The following CHN2 variants were observed in gnomAD, a reference collection of about 807,000 sequenced individuals.
CHN2 encodes beta-chimaerin.
In CHN2, 35 loss-of-function variants were observed where a neutral mutation model predicts 56.3. The observed-to-expected ratio is 0.62, with a 90% CI of 0.47 to 0.82. The LOEUF (loss-of-function observed/expected upper bound fraction) is 0.82, where lower values mean the gene tolerates loss of function less well. Ranked by LOEUF, CHN2 falls within the 40% of genes least tolerant of loss-of-function variation. The probability of loss-of-function intolerance (pLI) is 0.00; values close to 1 mark genes in which losing one functional copy is unlikely to be tolerated. For synonymous variants in CHN2, 210 were observed against 212.8 expected (o/e 0.99, Z 0.12); for missense variants, 491 against 580.5 (o/e 0.85, Z 1.58).
intron 1 of CHN2, among the ~76,000 whole-genome samples, chr7:29,321,086 C>T (rs1004078139): frequency 6.6e-6 from 1 of 152,196 alleles, no homozygotes; most frequent in Non-Finnish European, 1.5e-5. Flanking sequence ...AAGATGCTTA[C>T]AGATTGTTAG....
In CHN2 at chr7:29,465,827, T is replaced by G. The variant is rs374511657; in HGVS notation, c.577-14452T>G. On this transcript the variant is annotated intron_variant, in intron 6 of 12. Transcript: ENST00000222792. ...AAAAATTTTAAATGGAGCCATGTTA[T>G]TATAAGACTGAAGTAAACAAAAATT... Among the ~76,000 whole-genome samples, 221 of 152,324 alleles carry G rather than the reference T, an allele frequency of 1.5e-3. 2 individuals are homozygous for G. The highest frequency in any genetic ancestry group is 4.7e-3 in the African/African-American group (196 of 41,560).
At chr7:29,302,899 T>C (rs1286759134) in intron 1 of CHN2, among the ~76,000 whole-genome samples, 1 of 152,248 alleles carries the variant, frequency 6.6e-6, no homozygotes, top group Non-Finnish European at 1.5e-5. Context: ...CTTCAGAGTT[T>C]AGCATGTTGT....
intron 6 of CHN2, among the ~76,000 whole-genome samples, chr7:29,449,510 CAG>C (rs1446360510): frequency 5.3e-5 from 8 of 152,168 alleles, no homozygotes; most frequent in African/African-American, 1.9e-4. Context: ...ACTACAATGA[CAG>C]AGTTGAGTGG....
intron 1 of CHN2, among the ~76,000 whole-genome samples, chr7:29,335,120 C>G (rs1278999163): frequency 6.6e-6 from 1 of 152,186 alleles, no homozygotes; most frequent in Non-Finnish European, 1.5e-5. Context: ...TGGTCAAGAA[C>G]AGAGCATGCC....
At chr7:29,356,487 T>G (rs969792566) in intron 2 of CHN2, among the ~76,000 whole-genome samples, 5 of 152,206 alleles carry the variant, frequency 3.3e-5, no homozygotes, top group Admixed American at 6.5e-5. Context: ...TCCCAGTAGC[T>G]GAGCTCTGTG....
At chr7:29,179,955 G>T (rs1021218921) in intron 2 of CHN2, among the ~76,000 whole-genome samples, 2 of 152,084 alleles carry the variant, frequency 1.3e-5, no homozygotes, top group African/African-American at 4.8e-5. Context: ...GCATTCTATT[G>T]ATCTTTTGCT....
intron 4 of CHN2, among the ~76,000 whole-genome samples, chr7:29,394,493 C>T (rs373006526): frequency 1.4e-4 from 21 of 152,190 alleles, no homozygotes; most frequent in East Asian, 9.6e-4. Flanking sequence ...TTCCCTTACC[C>T]GTCAGAGCCT....
At chr7:29,349,853 C>T (rs544916283) in intron 1 of CHN2, among the ~76,000 whole-genome samples, 2 of 152,204 alleles carry the variant, frequency 1.3e-5, no homozygotes, top group Non-Finnish European at 2.9e-5. Context: ...CCTCCCCTTT[C>T]GTTATTTCTT....
chr7:29,169,756 A>G (rs529306935), intron 2 of CHN2, among the ~76,000 whole-genome samples: 1 of 152,050 alleles, frequency 6.6e-6, no homozygotes, highest in South Asian at 2.1e-4. Context: ...CTGTTTGCTC[A>G]GTCAGAGCTG....
chr7:29,197,992 A>G (rs1783880266), intron 1 of CHN2: 1 of 456,288 alleles, frequency 2.2e-6, no homozygotes, highest in South Asian at 1.5e-5. Flanking sequence ...GGGTAAGTTC[A>G]TGGCATTATT....
At chr7:29,250,162 C>T (rs569191849) in intron 1 of CHN2, among the ~76,000 whole-genome samples, 2 of 152,208 alleles carry the variant, frequency 1.3e-5, no homozygotes. Flanking sequence ...ATGGCACTCC[C>T]TGGGATGAAA....
chr7:29,442,867 T>C (rs892346071), intron 6 of CHN2, among the ~76,000 whole-genome samples: 2 of 151,824 alleles, frequency 1.3e-5, no homozygotes, highest in Non-Finnish European at 2.9e-5. Context: ...CCTAGGTTTT[T>C]CCTTATTTAT....
At chr7:29,504,931 TTCAA>T in intron 10 of CHN2, 110 bp downstream of exon 10, 2 of 712,488 alleles carry the variant, frequency 2.8e-6, no homozygotes, top group Non-Finnish European at 4.8e-6. Flanking sequence ...AGAGTTGTTC[TTCAA>T]GAAACGGAGG....
At chr7:29,146,594 C>A in exon 1 of CHN2, 6 of 1,550,206 alleles carry the variant, frequency 3.9e-6, no homozygotes, top group Non-Finnish European at 5.2e-6. Context: ...ATGACCCAGA[C>A]CCACAGGGCA....
intron 6 of CHN2, among the ~76,000 whole-genome samples, chr7:29,426,902 C>T (rs1481257573): frequency 1.3e-5 from 2 of 152,192 alleles, no homozygotes; most frequent in African/African-American, 4.8e-5. Flanking sequence ...TCCCATCTTC[C>T]TTCTCACATG....
At chr7:29,297,638 A>C (rs1793289407) in intron 1 of CHN2, among the ~76,000 whole-genome samples, 1 of 152,106 alleles carries the variant, frequency 6.6e-6, no homozygotes, top group Non-Finnish European at 1.5e-5. Context: ...GCACAGAGAG[A>C]GGGCGGCCAA....
intron 6 of CHN2, among the ~76,000 whole-genome samples, chr7:29,473,482 T>TTTTTTGTG (rs539151442): frequency 1.6e-4 from 19 of 118,192 alleles, no homozygotes; most frequent in African/African-American, 2.0e-4. Context: ...TTTTTTTTTT[T>TTTTTTGTG]TGTGTGTGTG....
intron 1 of CHN2, among the ~76,000 whole-genome samples, chr7:29,241,658 A>AATC (rs1267298007): frequency 7.9e-5 from 12 of 152,036 alleles, no homozygotes; most frequent in Admixed American, 7.9e-4. Flanking sequence ...TTAAAGGGTG[A>AATC]AGGAAAGGGC....
intron 7 of CHN2, 58 bp downstream of exon 7, chr7:29,480,414 T>C (rs1787065031): frequency 2.0e-6 from 3 of 1,528,124 alleles, no homozygotes; most frequent in Non-Finnish European, 2.7e-6. Context: ...AAAGGTACAG[T>C]GTATAGTTTC....
Sources: allele counts gnomAD v4.1 joint callset (sites outside exome capture counted in the v4.1 genomes callset), GRCh38; gene constraint gnomAD v4.1.1; transcripts MANE v1.5; gene names NCBI Gene and HGNC (gene_info 2026-07-23, HGNC 2026-07-21).